Variants in KLHL18 observed in about 807,000 individuals in gnomAD.
KLHL18 encodes kelch-like protein 18.
KLHL18 carries 38 observed loss-of-function variants against 58.5 expected under a neutral mutation model. The observed-to-expected ratio is 0.65, with a 90% CI of 0.50 to 0.85. The LOEUF (loss-of-function observed/expected upper bound fraction) is 0.85. Ranked by LOEUF, KLHL18 falls within the 40% of genes least tolerant of loss-of-function variation. The pLI is 0.00. For synonymous variants in KLHL18, 303 were observed against 301.9 expected, an observed-to-expected ratio of 1.00 and a Z score of -0.04; for missense variants, 624 against 778.4, an observed-to-expected ratio of 0.80 and a Z score of 2.36.
At chr3:47,306,265 T>C (rs1489079253) in intron 1 of KLHL18, among the ~76,000 whole-genome samples, 2 of 152,146 alleles carry the variant, frequency 1.3e-5, no homozygotes. Flanking sequence ...TTTTAGAGAC[T>C]CCTCTTTGAC....
intron 1 of KLHL18, chr3:47,283,376 T>C: frequency 2.1e-6 from 1 of 479,596 alleles, no homozygotes; most frequent in Non-Finnish European, 3.8e-6. Flanking sequence ...TTTTCTGTCA[T>C]GCAGACAAGA....
In KLHL18 at chr3:47,283,079, C is replaced by T. The variant is rs1368053904; in HGVS notation, c.114C>T (p.Cys38=). The T allele has an allele frequency of 1.3e-6, 2 of 1,583,428 alleles. No individual in the cohort carries two copies. Among genetic ancestry groups the T allele is most frequent in the Admixed American group, 1.8e-5 (1 of 54,722 alleles). ...MEEIRRQGKL[C]DVTLKIGDHK... is the part of the protein sequence containing the mutation. The stretch of plus-strand genomic sequence containing the variant: ...AGATCCGGCGGCAGGGCAAGCTGTG[C>T]GACGTGACCCTCAAGGTACCGCGGA... The change falls in exon 1 of 10, where the codon TGC becomes TGT. Residue 38 remains cysteine (C), a synonymous_variant. Coordinates refer to ENST00000232766, the MANE Select transcript of KLHL18 (RefSeq NM_025010.5).
intron 1 of KLHL18, among the ~76,000 whole-genome samples, chr3:47,298,722 C>T (rs1278628779): frequency 1.3e-5 from 2 of 152,202 alleles, no homozygotes; most frequent in Admixed American, 6.5e-5. Context: ...AGCCCCCTCC[C>T]ACCCACCATC....
At chr3:47,284,036 C>G (rs1162090143) in intron 1 of KLHL18, among the ~76,000 whole-genome samples, 1 of 152,170 alleles carries the variant, frequency 6.6e-6, no homozygotes, top group Non-Finnish European at 1.5e-5. Flanking sequence ...AATTGGAGAC[C>G]AGCCTGGGCT....
intron 1 of KLHL18, chr3:47,287,248 G>A (rs769229831): frequency 4.6e-5 from 7 of 152,030 alleles, no homozygotes; most frequent in Non-Finnish European, 1.0e-4. Flanking sequence ...TCATCAGTCC[G>A]AAAGGCGGTA....
chr3:47,336,443 G>C, intron 6 of KLHL18, 92 bp from the exon 7 acceptor site: 1 of 1,087,182 alleles, frequency 9.2e-7, no homozygotes, highest in Admixed American at 2.2e-5. Flanking sequence ...TAATAGAATT[G>C]AGTCGAATGT....
intron 1 of KLHL18, among the ~76,000 whole-genome samples, chr3:47,301,131 A>G (rs1169808772): frequency 6.6e-6 from 1 of 152,154 alleles, no homozygotes; most frequent in African/African-American, 2.4e-5. Flanking sequence ...AGATACAGAT[A>G]GATCTTTGTC....
chr3:47,332,364 A>AG (rs1703883925), intron 4 of KLHL18, among the ~76,000 whole-genome samples: 1 of 152,156 alleles, frequency 6.6e-6, no homozygotes, highest in Non-Finnish European at 1.5e-5. Context: ...CCAAAAAAAA[A>AG]GAAAGAAAGA....
intron 1 of KLHL18, among the ~76,000 whole-genome samples, chr3:47,284,157 A>T (rs1576122577): frequency 6.6e-6 from 1 of 152,022 alleles, no homozygotes; most frequent in African/African-American, 2.4e-5. Context: ...GCTTGAGCCT[A>T]GGAGGTCAAG....
intron 4 of KLHL18, 76 bp from the exon 5 acceptor site, chr3:47,333,081 G>C (rs1703900774): frequency 3.4e-6 from 5 of 1,468,614 alleles, no homozygotes; most frequent in Non-Finnish European, 3.7e-6. Flanking sequence ...AGGAAGTGGA[G>C]GCATTGAGAT....
At chr3:47,332,402 G>A (rs1402956430) in intron 4 of KLHL18, among the ~76,000 whole-genome samples, 2 of 151,906 alleles carry the variant, frequency 1.3e-5, no homozygotes, top group Non-Finnish European at 2.9e-5. Context: ...ATTTGAGGAG[G>A]GATTAAAAGG....
Position 47,303,024 on chromosome 3 carries a change from A to G in KLHL18, c.130-16629A>G, listed in dbSNP as rs57932529. The stretch of plus-strand genomic sequence containing the variant: ...TAGCTGTTTAATTTCTCAAAGATCT[A>G]TATCTTGAAACTCTTCACCCCTCAC... On this transcript the variant is annotated intron_variant, in intron 1 of 9. Coordinates refer to ENST00000232766, the MANE Select transcript of KLHL18 (RefSeq NM_025010.5). Among the ~76,000 whole-genome samples the G allele has an allele frequency of 1.1e-3, 171 of 152,274 alleles. 3 individuals are homozygous for G. In the East Asian group the frequency reaches 0.025, roughly 22 times the overall value.
rs542157542 is a variant in KLHL18, at chr3:47,334,642, G to C, written c.762-41G>C. 192 of 1,610,462 alleles carry C rather than the reference G, an allele frequency of 1.2e-4. 2 individuals are homozygous for C. The South Asian group carries it at 1.9e-3, about 16-fold the overall frequency. On this transcript the variant is annotated intron_variant, in intron 5 of 9. Transcript: ENST00000232766. The surrounding 1 kb of genome is among the most constrained non-coding windows in gnomAD (Gnocchi z 4.7). The stretch of plus-strand genomic sequence containing the variant: ...AGAGATGCAAACGAGGACTAAGTCA[G>C]GGGGATACCTCCTGTTCTAGCATCT...
intron 1 of KLHL18, among the ~76,000 whole-genome samples, chr3:47,302,203 A>G (rs180941623): frequency 9.2e-5 from 14 of 152,362 alleles, no homozygotes; most frequent in Admixed American, 3.3e-4. Context: ...TAAAAACTCA[A>G]TGGCTGGGCA....
intron 3 of KLHL18, among the ~76,000 whole-genome samples, 163 bp downstream of exon 3, chr3:47,322,871 G>T (rs935105426): frequency 2.4e-4 from 36 of 152,174 alleles, no homozygotes; most frequent in African/African-American, 8.2e-4. Flanking sequence ...TTGTAGCAGT[G>T]CCCACTTCTT....
intron 1 of KLHL18, among the ~76,000 whole-genome samples, chr3:47,288,220 CAAAAAAAAAAAAAA>C (rs768468646): frequency 6.3e-4 from 28 of 44,640 alleles, no homozygotes; most frequent in African/African-American, 1.6e-3. Flanking sequence ...ACTCTGTCTC[CAAAAAAAAAAAAAA>C]AAAAAAAAAA....
At chr3:47,306,289 C>A (rs891860365) in intron 1 of KLHL18, among the ~76,000 whole-genome samples, 4 of 152,144 alleles carry the variant, frequency 2.6e-5, no homozygotes, top group African/African-American at 9.6e-5. Context: ...CAGACTATTT[C>A]GAAGCATGTT....
chr3:47,315,393 G>A (rs192499447), intron 1 of KLHL18, among the ~76,000 whole-genome samples: 6 of 152,270 alleles, frequency 3.9e-5, no homozygotes, highest in Admixed American at 6.5e-5. Context: ...TCCGAATCAG[G>A]CACACCAAGC....
At chr3:47,316,184 AC>A (rs1703417393) in intron 1 of KLHL18, among the ~76,000 whole-genome samples, 1 of 152,172 alleles carries the variant, frequency 6.6e-6, no homozygotes. Context: ...GTAGATTGAT[AC>A]AGCACAATAA....
Sources: gnomAD v4.1 joint callset for allele counts (sites outside exome capture counted in the v4.1 genomes callset) on GRCh38, gnomAD v4.1.1 for gene constraint, Gnocchi (gnomAD v3.1) non-coding constraint, MANE v1.5 for transcripts, NCBI Gene and HGNC (gene_info 2026-07-23, HGNC 2026-07-21) for gene names.